GOLPH3: variants seen among roughly 807,000 people sequenced by gnomAD.
GOLPH3 encodes golgi phosphoprotein 3.
Under a neutral mutation model 28.5 loss-of-function variants are expected in GOLPH3, and 14 were observed. That is an observed-to-expected ratio of 0.49 (90% CI 0.32 to 0.77). GOLPH3 has a LOEUF of 0.77. Ranked by LOEUF, GOLPH3 falls within the 30% of genes least tolerant of loss-of-function variation. The pLI is 0.03. For missense variants in GOLPH3, 350 were observed against 393.7 expected (o/e 0.89, Z 0.94); for synonymous variants, 158 against 159.2 (o/e 0.99, Z 0.06).
At chr5:32,132,196 G>A (rs1221090545) in intron 3 of GOLPH3, among the ~76,000 whole-genome samples, 5 of 152,088 alleles carry the variant, frequency 3.3e-5, no homozygotes, top group Non-Finnish European at 7.4e-5. Context: ...CTCTCGACTT[G>A]CCTCAAACTT....
In GOLPH3 at chr5:32,139,907, A is replaced by C. The variant is rs186883258; in HGVS notation, c.357+3842T>G. Among the ~76,000 whole-genome samples the C allele has an allele frequency of 4.1e-3, 631 of 152,338 alleles. 9 individuals carry two copies. The highest frequency in any genetic ancestry group is 0.015 in the African/African-American group (613 of 41,580). On this transcript the variant is annotated intron_variant, in intron 2 of 3. Transcript: ENST00000265070. ...AACAAACTACGATTTTTAAAAAGGA[A>C]GCTCATGGAAATCAAAAACAGGAGA...
At chr5:32,142,225 T>C (rs1746084904) in intron 2 of GOLPH3, among the ~76,000 whole-genome samples, 1 of 150,236 alleles carries the variant, frequency 6.7e-6, no homozygotes, top group African/African-American at 2.5e-5. Context: ...CCGCCCATCG[T>C]CTGAGATGCG....
chr5:32,157,978 A>AAAAT (rs199592768), intron 1 of GOLPH3, among the ~76,000 whole-genome samples: 2,315 of 38,670 alleles, frequency 0.06, 216 homozygotes, highest in East Asian at 0.15. Context: ...ACTCTGTCTC[A>AAAAT]AAATAAATAA....
At chr5:32,142,984 C>CA (rs1363891890) in intron 2 of GOLPH3, among the ~76,000 whole-genome samples, 5 of 152,058 alleles carry the variant, frequency 3.3e-5, no homozygotes, top group Admixed American at 3.3e-4. Context: ...GCCATGATGA[C>CA]AAGGGCGGTT....
chr5:32,148,239 C>G (rs1441042389), intron 1 of GOLPH3, among the ~76,000 whole-genome samples: 2 of 152,162 alleles, frequency 1.3e-5, no homozygotes. Flanking sequence ...TATATTACTT[C>G]CATCTTTGAA....
At chr5:32,163,210 G>C (rs561450626) in intron 1 of GOLPH3, among the ~76,000 whole-genome samples, 4 of 152,362 alleles carry the variant, frequency 2.6e-5, no homozygotes, top group Admixed American at 2.0e-4. Flanking sequence ...CAGTCTTGCA[G>C]GTCCTGATCC....
rs867116668 is a variant in GOLPH3 at position 32,162,218 on chromosome 5, C to T, written c.225+11592G>A. On this transcript the variant is annotated intron_variant, in intron 1 of 3. Coordinates refer to ENST00000265070, the MANE Select transcript of GOLPH3 (RefSeq NM_022130.4). ...AAAAATTAAAATTTTTAAGGCCAGG[C>T]GTGGTGGCTCACGCCTGTAATCCCA... Among the ~76,000 whole-genome samples the T allele has an allele frequency of 4.6e-5, 7 of 150,942 alleles. No individual in the cohort carries two copies. The East Asian group carries it at 9.8e-4, about 21-fold the overall frequency.
At chr5:32,134,480 A>T (rs1745890105) in intron 3 of GOLPH3, among the ~76,000 whole-genome samples, 1 of 151,180 alleles carries the variant, frequency 6.6e-6, no homozygotes, top group Admixed American at 6.6e-5. Flanking sequence ...AAGTACTGGG[A>T]TTACAGTAAT....
chr5:32,174,219 G>C lies in GOLPH3; in HGVS notation c.-185C>G, dbSNP rs1581562915. 5.2e-6 allele frequency: 2 copies of C among 381,882 alleles called. No individual in the cohort carries two copies. Among genetic ancestry groups the C allele is most frequent in the East Asian group, 3.9e-5 (1 of 25,682 alleles). 23.7% of individuals were successfully genotyped at this position (381,882 alleles called of 1,614,324 possible). ...GGTCAGGGCGAAGCGGGCTGGCCGGGCGTCGGCGGGGCAGGAGAGGAGCGC... is the reference window on the plus strand; with the variant it reads ...GGTCAGGGCGAAGCGGGCTGGCCGGCCGTCGGCGGGGCAGGAGAGGAGCGC... On this transcript the variant is annotated 5_prime_UTR_variant, in exon 1 of 4. Transcript: ENST00000265070.
chr5:32,167,608 C>T (rs941649619), intron 1 of GOLPH3, among the ~76,000 whole-genome samples: 1 of 152,006 alleles, frequency 6.6e-6, no homozygotes, highest in Non-Finnish European at 1.5e-5. Flanking sequence ...GTAAAAGAAT[C>T]CCAAAGCACT....
At chr5:32,172,510 C>G (rs887906921) in intron 1 of GOLPH3, among the ~76,000 whole-genome samples, 1 of 152,014 alleles carries the variant, frequency 6.6e-6, no homozygotes, top group East Asian at 1.9e-4. Flanking sequence ...TCCTGGCCAA[C>G]ATGGTGAAAC....
chr5:32,157,328 C>T (rs1746452550), intron 1 of GOLPH3, among the ~76,000 whole-genome samples: 1 of 152,200 alleles, frequency 6.6e-6, no homozygotes, highest in African/African-American at 2.4e-5. Context: ...TCATCCCCAC[C>T]CAGCACAATA....
At position 32,126,318 on chromosome 5, in the gene GOLPH3, G is replaced by T. The variant is rs908125983; in HGVS notation, c.791C>A (p.Ala264Asp). The T allele has an allele frequency of 6.2e-7, 1 of 1,614,150 alleles. No homozygotes were observed. ...GAGAAGCTGCCGCACTCTCTTGGTA[G>T]CCAAATCATACTGCTCGTCCAGAAG... is the stretch of plus-strand genomic sequence containing the variant. The part of the protein sequence containing the change: ...APLLDEQYDL[A>D]TKRVRQLLDL... The change falls in exon 4 of 4, where the codon GCT (alanine) becomes GAT (aspartate). Residue 264 changes from alanine to aspartate, a missense_variant. Transcript: ENST00000265070.
intron 1 of GOLPH3, among the ~76,000 whole-genome samples, chr5:32,168,878 G>C (rs1015891619): frequency 2.6e-5 from 4 of 151,868 alleles, no homozygotes; most frequent in Non-Finnish European, 5.9e-5. Flanking sequence ...AGGATCACTT[G>C]AGGCCAGGAG....
At chr5:32,142,847 C>T (rs1439637651) in intron 2 of GOLPH3, among the ~76,000 whole-genome samples, 13 of 143,714 alleles carry the variant, frequency 9.0e-5, no homozygotes, top group African/African-American at 3.1e-4. Context: ...GCCCCCCGCC[C>T]GGCCAGCCGC....
chr5:32,149,603 T>C (rs954391208), intron 1 of GOLPH3, among the ~76,000 whole-genome samples: 4 of 152,196 alleles, frequency 2.6e-5, no homozygotes, highest in African/African-American at 7.2e-5. Flanking sequence ...CAAAAAGTTC[T>C]TGACAAAAAT....
rs1224752113 is a variant in GOLPH3 at position 32,134,520 on chromosome 5, T to TA, written c.472+1051dup. ...CACCATGCCTGGCCAAAAAATAAAA[T>TA]AAAAAAAAAAAAAAAAAACTCAGCG... On this transcript the variant is annotated intron_variant, in intron 3 of 3. Transcript: ENST00000265070. Among the ~76,000 whole-genome samples, 293 of 112,108 alleles carry TA rather than the reference T, an allele frequency of 2.6e-3. 1 individual carries two copies. The highest frequency in any genetic ancestry group is 5.5e-3 in the African/African-American group (176 of 31,910). 73.5% of individuals were successfully genotyped at this position (112,108 alleles called of 152,430 possible).
At chr5:32,166,770 G>A (rs1465854460) in intron 1 of GOLPH3, among the ~76,000 whole-genome samples, 1 of 150,746 alleles carries the variant, frequency 6.6e-6, no homozygotes, top group African/African-American at 2.4e-5. Flanking sequence ...CGGTGCCATT[G>A]CACTTCAGCC....
At chr5:32,134,046 A>C (rs1188747420) in intron 3 of GOLPH3, among the ~76,000 whole-genome samples, 1 of 152,216 alleles carries the variant, frequency 6.6e-6, no homozygotes, top group Non-Finnish European at 1.5e-5. Context: ...TTAGCTAAAA[A>C]TGGAGTGTAT....
Sources: allele counts gnomAD v4.1 joint callset (sites outside exome capture counted in the v4.1 genomes callset), GRCh38; gene constraint gnomAD v4.1.1; transcripts MANE v1.5; gene names NCBI Gene and HGNC (gene_info 2026-07-23, HGNC 2026-07-21).